Variants in SLC14A2 observed in about 807,000 individuals in gnomAD.
SLC14A2 encodes solute carrier family 14 member 2, also known as urea transporter 2.
A neutral mutation model predicts 104.6 loss-of-function variants in SLC14A2; 91 were observed. That is an observed-to-expected ratio of 0.87 (90% CI 0.73 to 1.04). SLC14A2 has a LOEUF of 1.04. Among genes scored for constraint, SLC14A2 ranks in the 50% least tolerant of loss-of-function variants. The pLI is 0.00. For synonymous variants in SLC14A2, 476 were observed against 466.4 expected (o/e 1.02, Z -0.27); for missense variants, 1,189 against 1,156.0 (o/e 1.03, Z -0.41).
intron 1 of SLC14A2, among the ~76,000 whole-genome samples, chr18:45,394,194 A>G (rs1415316660): frequency 2.6e-5 from 4 of 152,184 alleles, no homozygotes; most frequent in Admixed American, 1.3e-4. Flanking sequence ...AATTCTTTCA[A>G]TCCTCACCTC....
At chr18:45,315,104 C>A (rs1009001207) in intron 1 of SLC14A2, among the ~76,000 whole-genome samples, 2 of 152,072 alleles carry the variant, frequency 1.3e-5, no homozygotes, top group Non-Finnish European at 2.9e-5. Context: ...GGCTCCCTGA[C>A]AATAAGAAGA....
intron 1 of SLC14A2, among the ~76,000 whole-genome samples, chr18:45,472,444 A>T (rs1195563321): frequency 6.6e-6 from 1 of 152,184 alleles, no homozygotes; most frequent in African/African-American, 2.4e-5. Context: ...TCCTTGAGGA[A>T]TCGCCACACT....
chr18:45,668,374 G>C lies in SLC14A2; in HGVS notation c.1933G>C (p.Gly645Arg). Residue 645 changes from glycine (G) to arginine (R), a missense_variant, in exon 15 of 20, where the codon GGC becomes CGC. Coordinates refer to ENST00000255226, the MANE Select transcript of SLC14A2 (RefSeq NM_007163.4). ...GTCGGCCATCGCTGCAGGATTTCACGGCTACAATGGGGTGCTGGTGGGGCT... is the reference window on the plus strand; with the variant it reads ...GTCGGCCATCGCTGCAGGATTTCACCGCTACAATGGGGTGCTGGTGGGGCT... ...DKSAIAAGFH[G>R]YNGVLVGLLM... 1.2e-6 allele frequency: 2 copies of C among 1,614,114 alleles called. No individual in the cohort carries two copies. Among genetic ancestry groups the C allele is most frequent in the Non-Finnish European group, 1.7e-6 (2 of 1,180,008 alleles).
At chr18:45,363,121 C>A (rs768776566) in intron 1 of SLC14A2, among the ~76,000 whole-genome samples, 1 of 152,106 alleles carries the variant, frequency 6.6e-6, no homozygotes, top group Non-Finnish European at 1.5e-5. Flanking sequence ...CATTTCACAG[C>A]GATATTGTTT....
Position 45,391,941 on chromosome 18 carries a change from C to G in SLC14A2, c.-124-91292C>G, listed in dbSNP as rs985647358. On this transcript the variant is annotated intron_variant, in intron 1 of 20. Transcript: ENST00000586448. Reference sequence around the variant, plus strand: ...AGCTCTTTGGTTTAATTAGATCCCACTTGTCAATTCTGGCTTTTGTTGCCA... The same window carrying G: ...AGCTCTTTGGTTTAATTAGATCCCAGTTGTCAATTCTGGCTTTTGTTGCCA... Among the ~76,000 whole-genome samples, 3 of 152,294 alleles carry G rather than the reference C, an allele frequency of 2.0e-5. No homozygotes were observed. The South Asian group carries it at 6.2e-4, about 32-fold the overall frequency.
chr18:45,494,411 A>G (rs979277728), intron 2 of SLC14A2, among the ~76,000 whole-genome samples: 1 of 152,004 alleles, frequency 6.6e-6, no homozygotes, highest in South Asian at 2.1e-4. Context: ...CTTGGTAGTC[A>G]TCTTTTATTT....
intron 2 of SLC14A2, among the ~76,000 whole-genome samples, chr18:45,609,966 GT>G (rs2044945009): frequency 6.6e-6 from 1 of 152,156 alleles, no homozygotes; most frequent in Admixed American, 6.5e-5. Flanking sequence ...CATAAATCTA[GT>G]TTTTGTTTAG....
intron 1 of SLC14A2, among the ~76,000 whole-genome samples, chr18:45,367,098 C>T (rs2085673701): frequency 6.6e-6 from 1 of 152,136 alleles, no homozygotes; most frequent in Admixed American, 6.5e-5. Context: ...CTGGAATTGT[C>T]AGTTTGGTTT....
intron 1 of SLC14A2, among the ~76,000 whole-genome samples, chr18:45,418,207 A>T (rs2612566): frequency 4.6e-5 from 7 of 151,982 alleles, no homozygotes; most frequent in Admixed American, 1.3e-4. Flanking sequence ...TGGGGGGAAC[A>T]GCAATAAAAG....
intron 1 of SLC14A2, among the ~76,000 whole-genome samples, chr18:45,233,622 C>T (rs1303523601): frequency 6.6e-6 from 1 of 152,154 alleles, no homozygotes; most frequent in Non-Finnish European, 1.5e-5. Flanking sequence ...GCTTAACATC[C>T]TCATTAAATT....
intron 10 of SLC14A2, among the ~76,000 whole-genome samples, chr18:45,654,380 A>G (rs1266658241): frequency 6.6e-6 from 1 of 152,138 alleles, no homozygotes; most frequent in Non-Finnish European, 1.5e-5. Flanking sequence ...ATCAGAAGGA[A>G]GCTGCTTCTT....
intron 13 of SLC14A2, 82 bp downstream of exon 13, chr18:45,667,176 G>T (rs112109438): frequency 1.8e-6 from 2 of 1,106,374 alleles, no homozygotes; most frequent in Non-Finnish European, 1.3e-6. Flanking sequence ...TGCCATGGGG[G>T]TTCCCTATAG....
At chr18:45,401,841 AG>A (rs1287418576) in intron 1 of SLC14A2, among the ~76,000 whole-genome samples, 1 of 152,200 alleles carries the variant, frequency 6.6e-6, no homozygotes, top group Admixed American at 6.5e-5. Flanking sequence ...GTGATACATT[AG>A]ATATGCTTGA....
chr18:45,224,736 G>A (rs2084097005), intron 1 of SLC14A2, among the ~76,000 whole-genome samples: 1 of 152,174 alleles, frequency 6.6e-6, no homozygotes, highest in Non-Finnish European at 1.5e-5. Context: ...GTGGAAATTA[G>A]TTAGCTTGTC....
At chr18:45,518,779 G>A (rs1025723768) in intron 2 of SLC14A2, among the ~76,000 whole-genome samples, 1 of 152,172 alleles carries the variant, frequency 6.6e-6, no homozygotes, top group Non-Finnish European at 1.5e-5. Flanking sequence ...GAAAAAAAGA[G>A]CAGGAGGACC....
At chr18:45,368,290 A>G (rs2085686713) in intron 1 of SLC14A2, among the ~76,000 whole-genome samples, 5 of 152,154 alleles carry the variant, frequency 3.3e-5, no homozygotes, top group Admixed American at 3.3e-4. Flanking sequence ...GAGTTTCATG[A>G]TATTAGAATA....
At chr18:45,448,747 T>G (rs2086811981) in intron 1 of SLC14A2, among the ~76,000 whole-genome samples, 1 of 152,238 alleles carries the variant, frequency 6.6e-6, no homozygotes, top group African/African-American at 2.4e-5. Context: ...TTCATTCATG[T>G]ATTTATTTTT....
At chr18:45,539,894 T>TAA (rs531647287) in intron 2 of SLC14A2, among the ~76,000 whole-genome samples, 4,158 of 135,676 alleles carry the variant, frequency 0.031, 172 homozygotes, top group African/African-American at 0.11. Context: ...ATGAAAAGAG[T>TAA]AAAAAAAAAA....
intron 1 of SLC14A2, among the ~76,000 whole-genome samples, chr18:45,240,285 TG>T (rs1379294845): frequency 6.8e-6 from 1 of 147,510 alleles, no homozygotes; most frequent in Non-Finnish European, 1.5e-5. Flanking sequence ...TTAGTAGAGA[TG>T]GGGTTTCACC....
Sources: gnomAD v4.1 joint callset for allele counts (sites outside exome capture counted in the v4.1 genomes callset) on GRCh38, gnomAD v4.1.1 for gene constraint, MANE v1.5 for transcripts, NCBI Gene and HGNC (gene_info 2026-07-23, HGNC 2026-07-21) for gene names.